The following ATP8A2 variants were observed in gnomAD, a reference collection of about 807,000 sequenced individuals.
The protein encoded by ATP8A2 is phospholipid-transporting ATPase IB.
In ATP8A2, 100 loss-of-function variants were observed where a neutral mutation model predicts 165.6. The observed-to-expected ratio is 0.60, with a 90% confidence interval of 0.51 to 0.71. ATP8A2 has a LOEUF of 0.71. ATP8A2 is among the 30% of genes least tolerant of loss of function. ATP8A2 has a pLI of 0.00. For synonymous variants in ATP8A2, 543 were observed against 548.8 expected, an observed-to-expected ratio of 0.99 and a Z score of 0.15; for missense variants, 1,227 against 1,479.5, an observed-to-expected ratio of 0.83 and a Z score of 2.80.
intron 24 of ATP8A2, among the ~76,000 whole-genome samples, chr13:25,621,260 C>CAAAT (rs2040960542): frequency 6.6e-6 from 1 of 152,126 alleles, no homozygotes; most frequent in African/African-American, 2.4e-5. Context: ...TGAACAAATA[C>CAAAT]GTATGAAATC....
At chr13:25,671,061 G>T (rs1394940368) in intron 24 of ATP8A2, among the ~76,000 whole-genome samples, 2 of 152,228 alleles carry the variant, frequency 1.3e-5, no homozygotes, top group Non-Finnish European at 2.9e-5. Flanking sequence ...CATGGCAGAA[G>T]AACGTGGATT....
intron 23 of ATP8A2, among the ~76,000 whole-genome samples, chr13:25,584,072 C>G (rs889802016): frequency 2.0e-5 from 3 of 152,314 alleles, no homozygotes; most frequent in East Asian, 3.9e-4. Context: ...AAGCTTCTAA[C>G]AGCTAGACAA....
At chr13:25,396,798 A>G (rs953841335) in intron 1 of ATP8A2, among the ~76,000 whole-genome samples, 1 of 152,196 alleles carries the variant, frequency 6.6e-6, no homozygotes, top group Non-Finnish European at 1.5e-5. Flanking sequence ...AGACACATCT[A>G]TTGCGGGGAG....
At chr13:25,770,012 A>G (rs1373488582) in intron 26 of ATP8A2, among the ~76,000 whole-genome samples, 2 of 152,194 alleles carry the variant, frequency 1.3e-5, no homozygotes, top group African/African-American at 4.8e-5. Context: ...CCACCTTTGC[A>G]AAATTATGAC....
intron 24 of ATP8A2, among the ~76,000 whole-genome samples, chr13:25,613,931 T>C (rs1041969796): frequency 6.6e-6 from 1 of 152,202 alleles, no homozygotes; most frequent in South Asian, 2.1e-4. Flanking sequence ...GTTTCCTTCA[T>C]AGGTTACCTG....
In ATP8A2 at chr13:25,397,343, A is replaced by G. The variant is rs17082208; in HGVS notation, c.76+25055A>G. Among the ~76,000 whole-genome samples the G allele has an allele frequency of 0.018, 2,696 of 152,296 alleles. 154 individuals carry two copies. In the East Asian group the frequency reaches 0.23, roughly 13 times the overall value. On this transcript the variant is annotated intron_variant, in intron 1 of 36. Transcript: ENST00000381655. ...ATCAATATACTGATATTTTTCTGTC[A>G]AGTCATAAAACACCAGCCTCTATGA...
intron 35 of ATP8A2, among the ~76,000 whole-genome samples, chr13:25,986,466 T>C (rs542458850): frequency 6.6e-6 from 1 of 152,380 alleles, no homozygotes; most frequent in East Asian, 1.9e-4. Flanking sequence ...AGTGTTTGTC[T>C]TTCTGTGCCT....
intron 27 of ATP8A2, among the ~76,000 whole-genome samples, chr13:25,776,071 A>G (rs1440128298): frequency 6.6e-6 from 1 of 152,276 alleles, no homozygotes; most frequent in African/African-American, 2.4e-5. Context: ...GGGCCAAAAG[A>G]GTAAATGAAG....
At chr13:25,538,111 A>C in intron 7 of ATP8A2, 50 bp downstream of exon 7, 1 of 1,457,832 alleles carries the variant, frequency 6.9e-7, no homozygotes, top group Non-Finnish European at 9.6e-7. Flanking sequence ...TAAGAACAAT[A>C]AAATATTAAG....
chr13:25,399,649 G>A (rs1414526929), intron 1 of ATP8A2, among the ~76,000 whole-genome samples: 3 of 148,928 alleles, frequency 2.0e-5, no homozygotes, highest in South Asian at 2.2e-4. Context: ...TGATCCGCCC[G>A]CCTCGGCCTC....
intron 33 of ATP8A2, among the ~76,000 whole-genome samples, chr13:25,866,247 G>C (rs1159909541): frequency 6.6e-6 from 1 of 152,116 alleles, no homozygotes. Context: ...TGATAGTTAC[G>C]TAACCATTGG....
intron 6 of ATP8A2, among the ~76,000 whole-genome samples, chr13:25,536,481 G>A (rs1032516646): frequency 6.6e-6 from 1 of 152,128 alleles, no homozygotes; most frequent in African/African-American, 2.4e-5. Flanking sequence ...TGTACTGGTG[G>A]TTGTTAAAAC....
chr13:25,659,883 A>G (rs1342872789), intron 24 of ATP8A2, among the ~76,000 whole-genome samples: 2 of 152,184 alleles, frequency 1.3e-5, no homozygotes, highest in Non-Finnish European at 2.9e-5. Context: ...GTGACCTTCC[A>G]TTTCTAATAA....
intron 33 of ATP8A2, among the ~76,000 whole-genome samples, chr13:25,893,602 T>C (rs557739488): frequency 6.6e-6 from 1 of 152,248 alleles, no homozygotes; most frequent in Non-Finnish European, 1.5e-5. Flanking sequence ...TATTTCTAGT[T>C]CTAGATCCCT....
chr13:25,654,588 A>C (rs2041886272), intron 24 of ATP8A2, among the ~76,000 whole-genome samples: 1 of 152,202 alleles, frequency 6.6e-6, no homozygotes, highest in Non-Finnish European at 1.5e-5. Flanking sequence ...TTTACAGGAC[A>C]TAAAATATGG....
At chr13:25,902,915 A>G (rs752309034) in intron 33 of ATP8A2, among the ~76,000 whole-genome samples, 1 of 142,712 alleles carries the variant, frequency 7.0e-6, no homozygotes, top group Non-Finnish European at 1.5e-5. Context: ...CAAACTATTA[A>G]CTGACTTTAT....
rs566952772 is a variant in ATP8A2 at position 25,579,892 on chromosome 13, C to A, written c.1952C>A (p.Thr651Asn). 6.2e-7 allele frequency: 1 copy of A among 1,613,920 alleles called. No homozygotes were observed. The highest frequency in any genetic ancestry group is 1.3e-5 in the African/African-American group (1 of 74,962). Residue 651 changes from threonine (T) to asparagine (N), a missense_variant, in exon 22 of 37, where the codon ACC (threonine) becomes AAC (asparagine). Thr to Asn is a moderately conservative substitution (Grantham distance 65). Around this residue, in one of 5 missense-constraint regions of ATP8A2, gnomAD observed 592 missense variants for 785.6 expected, o/e 0.75. Coordinates refer to ENST00000381655, the MANE Select transcript of ATP8A2 (RefSeq NM_016529.6). ...EWLKVYQEASTILKDRAQRLE... is the reference protein window; with the variant it reads ...EWLKVYQEASNILKDRAQRLE... Reference sequence around the variant, plus strand: ...CTGAAAGTCTATCAGGAAGCCAGCACCATATTGAAGGACAGAGCTCAACGG... The same window carrying A: ...CTGAAAGTCTATCAGGAAGCCAGCAACATATTGAAGGACAGAGCTCAACGG...
chr13:25,412,275 AT>A, intron 1 of ATP8A2, among the ~76,000 whole-genome samples: 1 of 152,156 alleles, frequency 6.6e-6, no homozygotes, highest in Middle Eastern at 3.4e-3. Flanking sequence ...TTATCTAATG[AT>A]TCCTGCAGGA....
chr13:25,823,092 G>T (rs1261399024), intron 27 of ATP8A2, among the ~76,000 whole-genome samples: 2 of 152,200 alleles, frequency 1.3e-5, no homozygotes, highest in Non-Finnish European at 2.9e-5. Context: ...CCAACAGAAG[G>T]CCACTGTAGC....
Sources: gnomAD v4.1 joint callset for allele counts (sites outside exome capture counted in the v4.1 genomes callset) on GRCh38, gnomAD v4.1.1 for gene constraint, gnomAD v4.1.1 regional missense constraint, MANE v1.5 for transcripts, NCBI Gene and HGNC (gene_info 2026-07-23, HGNC 2026-07-21) for gene names.